The following ZSCAN25 variants were observed in gnomAD, a reference collection of about 807,000 sequenced individuals.
The protein encoded by ZSCAN25 is zinc finger and SCAN domain containing 25.
In ZSCAN25, 27 loss-of-function variants were observed where a neutral mutation model predicts 38.7. The observed-to-expected ratio is 0.70, with a 90% CI of 0.51 to 0.96. The LOEUF is 0.96. Ranked by LOEUF, ZSCAN25 falls within the 40% of genes least tolerant of loss-of-function variation. The pLI, the probability that ZSCAN25 is intolerant of heterozygous loss-of-function variation, is 0.00. For synonymous variants in ZSCAN25, 273 were observed against 277.7 expected (o/e 0.98, Z 0.17); for missense variants, 637 against 705.9 (o/e 0.90, Z 1.11).
intron 1 of ZSCAN25, among the ~76,000 whole-genome samples, chr7:99,617,323 G>A (rs920539829): frequency 1.1e-4 from 16 of 152,240 alleles, no homozygotes; most frequent in African/African-American, 3.9e-4. Flanking sequence ...TTGAACCAAA[G>A]CAGAACTCTG....
the ZSCAN25 span, chr7:99,672,887 G>T: frequency 7.3e-6 from 10 of 1,370,118 alleles, no homozygotes; most frequent in Admixed American, 3.1e-5. Context: ...TATGATGAAG[G>T]GTAATGTGGT....
chr7:99,696,001 C>G, the ZSCAN25 span, among the ~76,000 whole-genome samples: 1 of 152,172 alleles, frequency 6.6e-6, no homozygotes, highest in South Asian at 2.1e-4. Context: ...ATTTGTACAT[C>G]AAGTCCTTTC....
chr7:99,639,173 C>T, the ZSCAN25 span, among the ~76,000 whole-genome samples: 2 of 152,264 alleles, frequency 1.3e-5, no homozygotes, highest in East Asian at 3.9e-4. Flanking sequence ...TTGGACGTCC[C>T]CTGGGGGAGG....
At chr7:99,638,181 T>C in the ZSCAN25 span, 6 of 1,382,894 alleles carry the variant, frequency 4.3e-6, no homozygotes, top group Non-Finnish European at 5.8e-6. Context: ...ATGGTGGCGA[T>C]AATCCTGTGA....
At chr7:99,724,270 C>T in the ZSCAN25 span, among the ~76,000 whole-genome samples, 8 of 152,168 alleles carry the variant, frequency 5.3e-5, no homozygotes, top group African/African-American at 9.7e-5. Context: ...TCTGCAATAC[C>T]GCTTGGCCTC....
chr7:99,699,024 A>G, the ZSCAN25 span, among the ~76,000 whole-genome samples: 9 of 152,172 alleles, frequency 5.9e-5, no homozygotes, highest in African/African-American at 9.7e-5. Flanking sequence ...ACCACAGTGG[A>G]AAGTAACTCT....
downstream of ZSCAN25, among the ~76,000 whole-genome samples, chr7:99,633,619 G>A (rs1422814095): frequency 6.6e-6 from 1 of 152,150 alleles, no homozygotes; most frequent in Non-Finnish European, 1.5e-5. Context: ...AGGCTGGAAT[G>A]CAGTGGTGCA....
the ZSCAN25 span, chr7:99,648,498 A>C: frequency 1.3e-6 from 1 of 786,192 alleles, no homozygotes; most frequent in Non-Finnish European, 2.0e-6. Flanking sequence ...ATGCTTTGCA[A>C]GCATATAAAA....
chr7:99,628,383 A>C (rs913024972), intron 7 of ZSCAN25, among the ~76,000 whole-genome samples: 1 of 151,922 alleles, frequency 6.6e-6, no homozygotes, highest in African/African-American at 2.4e-5. Flanking sequence ...TTGTTCCCCA[A>C]TACCTTTTCT....
the ZSCAN25 span, among the ~76,000 whole-genome samples, chr7:99,698,818 A>G: frequency 1.3e-5 from 2 of 152,222 alleles, no homozygotes; most frequent in African/African-American, 4.8e-5. Context: ...TTAAAAATGA[A>G]TGAATTTAAA....
At chr7:99,736,776 C>T in the ZSCAN25 span, among the ~76,000 whole-genome samples, 235 of 152,282 alleles carry the variant, frequency 1.5e-3, 1 homozygote, top group African/African-American at 5.0e-3. Context: ...CAGGGCTGCT[C>T]GGCACCTGGC....
At chr7:99,728,530 A>G in the ZSCAN25 span, among the ~76,000 whole-genome samples, 1 of 152,194 alleles carries the variant, frequency 6.6e-6, no homozygotes, top group East Asian at 1.9e-4. Context: ...ACTCCCTCTC[A>G]TCTTTTCACT....
the ZSCAN25 span, chr7:99,663,905 T>G: frequency 6.5e-7 from 1 of 1,528,428 alleles, no homozygotes; most frequent in Non-Finnish European, 8.7e-7. Flanking sequence ...TGCTCTATCA[T>G]GTGTATAAAA....
At chr7:99,714,428 T>C in the ZSCAN25 span, 1 of 1,444,446 alleles carries the variant, frequency 6.9e-7, no homozygotes, top group East Asian at 2.4e-5. Flanking sequence ...TATCTTGCTC[T>C]AAACATAAGT....
the ZSCAN25 span, among the ~76,000 whole-genome samples, chr7:99,654,188 G>A: frequency 6.6e-6 from 1 of 151,942 alleles, no homozygotes; most frequent in Non-Finnish European, 1.5e-5. Context: ...CCATTAACTC[G>A]TCATTTAACA....
the ZSCAN25 span, among the ~76,000 whole-genome samples, chr7:99,668,808 TATG>T: frequency 6.6e-6 from 1 of 152,242 alleles, no homozygotes; most frequent in Non-Finnish European, 1.5e-5. Context: ...GCTTCAGTTT[TATG>T]GTGGTGTGCG....
the ZSCAN25 span, among the ~76,000 whole-genome samples, chr7:99,693,732 T>G: frequency 6.6e-6 from 1 of 152,218 alleles, no homozygotes; most frequent in Non-Finnish European, 1.5e-5. Context: ...CGGGAGGGTA[T>G]CTCCTGGTCT....
the ZSCAN25 span, among the ~76,000 whole-genome samples, chr7:99,735,350 C>T: frequency 3.9e-5 from 6 of 152,120 alleles, no homozygotes; most frequent in Admixed American, 6.5e-5. Context: ...CACTCACTGA[C>T]CTCCATTGAG....
the ZSCAN25 span, chr7:99,709,309 C>G: frequency 6.3e-7 from 1 of 1,589,904 alleles, no homozygotes; most frequent in Non-Finnish European, 8.6e-7. Flanking sequence ...TTTGAATTAA[C>G]TTTTAACTCA....
Sources: gnomAD v4.1 joint callset for allele counts (sites outside exome capture counted in the v4.1 genomes callset) on GRCh38, gnomAD v4.1.1 for gene constraint, MANE v1.5 for transcripts, NCBI Gene and HGNC (gene_info 2026-07-23, HGNC 2026-07-21) for gene names.